Variants in ANXA8 observed in about 807,000 individuals in gnomAD.
ANXA8 encodes the protein VAC-beta.
Under a neutral mutation model 26.8 loss-of-function variants are expected in ANXA8, and 9 were observed. That is an observed-to-expected ratio of 0.34 (90% CI 0.20 to 0.59). The LOEUF is 0.59. Among genes scored for constraint, ANXA8 ranks in the 20% least tolerant of loss-of-function variants. The probability of loss-of-function intolerance (pLI) is 0.84; values close to 1 mark genes in which losing one functional copy is unlikely to be tolerated. For missense variants in ANXA8, 83 were observed against 238.5 expected (o/e 0.35, Z 4.29); for synonymous variants, 39 against 94.8 (o/e 0.41, Z 3.42).
chr10:47,950,365 C>T, the ANXA8 span, among the ~76,000 whole-genome samples: 1 of 152,222 alleles, frequency 6.6e-6, no homozygotes, highest in African/African-American at 2.4e-5. Flanking sequence ...AGGGGAAGGA[C>T]ACTTGAACAA....
rs1839954101 is a variant in ANXA8, at chr10:47,483,956, T to G, written c.-23A>C. 3.1e-6 allele frequency: 5 copies of G among 1,611,566 alleles called. No individual in the cohort carries two copies. The East Asian group carries it at 8.9e-5, about 29-fold the overall frequency. On this transcript the variant is annotated 5_prime_UTR_variant, in exon 1 of 12. Coordinates refer to ENST00000585281, the MANE Select transcript of ANXA8 (RefSeq NM_001040084.3). ...CATCTCTTTCACCTCGGGGGCACCT[T>G]TCCCAGGGAGATGAAGAGACACAGG...
the ANXA8 span, among the ~76,000 whole-genome samples, chr10:47,943,376 C>T: frequency 6.8e-6 from 1 of 146,568 alleles, no homozygotes; most frequent in African/African-American, 2.6e-5. Context: ...TCAAAGTGCC[C>T]CCTGCCTCCA....
the ANXA8 span, among the ~76,000 whole-genome samples, chr10:47,680,528 G>A: frequency 4.6e-5 from 7 of 151,786 alleles, no homozygotes; most frequent in Middle Eastern, 3.4e-3. Flanking sequence ...CCAGCTACTC[G>A]GGAGACTGAG....
At chr10:47,772,360 G>A in the ANXA8 span, among the ~76,000 whole-genome samples, 2 of 152,246 alleles carry the variant, frequency 1.3e-5, no homozygotes, top group Admixed American at 1.3e-4. Flanking sequence ...GAATCTGATA[G>A]GGAAAGTGTT....
At chr10:47,571,028 T>G in the ANXA8 span, among the ~76,000 whole-genome samples, 2 of 149,976 alleles carry the variant, frequency 1.3e-5, no homozygotes, top group Non-Finnish European at 2.9e-5. Flanking sequence ...CACACTTTTA[T>G]AGGAGTACCT....
chr10:47,687,215 T>C, the ANXA8 span, among the ~76,000 whole-genome samples: 2 of 151,772 alleles, frequency 1.3e-5, no homozygotes, highest in African/African-American at 4.8e-5. Flanking sequence ...TTCATTATCA[T>C]GGTAATGTTA....
the ANXA8 span, among the ~76,000 whole-genome samples, chr10:47,510,423 C>T: frequency 1.4e-5 from 2 of 141,132 alleles, no homozygotes; most frequent in Non-Finnish European, 3.1e-5. Flanking sequence ...CCATTGGAGG[C>T]TCTCAACTTC....
the ANXA8 span, among the ~76,000 whole-genome samples, chr10:47,498,210 C>A: frequency 6.7e-6 from 1 of 150,202 alleles, no homozygotes; most frequent in Non-Finnish European, 1.5e-5. Flanking sequence ...TATTAGTTTG[C>A]TTACTCAGTC....
the ANXA8 span, among the ~76,000 whole-genome samples, chr10:47,563,929 T>A: frequency 1.3e-5 from 2 of 150,926 alleles, no homozygotes; most frequent in Non-Finnish European, 2.9e-5. Flanking sequence ...TTTCAATTCC[T>A]CAACATATTC....
At chr10:47,973,154 A>G in the ANXA8 span, 1 of 150,246 alleles carries the variant, frequency 6.7e-6, no homozygotes, top group African/African-American at 2.4e-5. Context: ...GGGACCAGAA[A>G]GGATGCTGCA....
the ANXA8 span, among the ~76,000 whole-genome samples, chr10:47,666,958 C>G: frequency 1.3e-5 from 2 of 152,036 alleles, no homozygotes; most frequent in African/African-American, 4.8e-5. Flanking sequence ...GTGACTAACT[C>G]AACCTAAACA....
chr10:47,603,661 A>C, the ANXA8 span, among the ~76,000 whole-genome samples: 13 of 149,006 alleles, frequency 8.7e-5, no homozygotes, highest in Non-Finnish European at 1.3e-4. Context: ...ACAGGCAGGC[A>C]CCACCACGCC....
the ANXA8 span, among the ~76,000 whole-genome samples, chr10:47,958,253 C>A: frequency 1.3e-5 from 2 of 149,604 alleles, no homozygotes; most frequent in Non-Finnish European, 2.9e-5. Flanking sequence ...CCGAGGCCGG[C>A]AGAGCACTTG....
the ANXA8 span, among the ~76,000 whole-genome samples, chr10:47,510,839 A>G: frequency 8.0e-6 from 1 of 124,796 alleles, no homozygotes; most frequent in Non-Finnish European, 1.6e-5. Flanking sequence ...CAAAAAAAAA[A>G]AAAAAAAAAG....
At chr10:47,595,398 A>G in the ANXA8 span, among the ~76,000 whole-genome samples, 191 of 147,578 alleles carry the variant, frequency 1.3e-3, 4 homozygotes, top group East Asian at 0.032. Context: ...CAGGAACACA[A>G]TCTCACATAT....
the ANXA8 span, among the ~76,000 whole-genome samples, chr10:47,665,760 A>G: frequency 2.0e-5 from 3 of 151,344 alleles, no homozygotes; most frequent in Non-Finnish European, 2.9e-5. Flanking sequence ...AAATTGTTCT[A>G]CTCTATGGAT....
the ANXA8 span, among the ~76,000 whole-genome samples, chr10:47,947,991 TG>T: frequency 2.7e-5 from 4 of 150,934 alleles, no homozygotes; most frequent in Non-Finnish European, 5.9e-5. Flanking sequence ...GGAGCGTCCT[TG>T]TAGAAAATCT....
At chr10:47,950,598 T>A in the ANXA8 span, among the ~76,000 whole-genome samples, 2 of 150,074 alleles carry the variant, frequency 1.3e-5, no homozygotes, top group Non-Finnish European at 2.9e-5. Context: ...AACAACTTTA[T>A]ACATTTAAGA....
At chr10:47,510,778 C>T in the ANXA8 span, among the ~76,000 whole-genome samples, 5 of 103,938 alleles carry the variant, frequency 4.8e-5, no homozygotes, top group African/African-American at 1.9e-4. Flanking sequence ...TGCAGTGAGC[C>T]GAGTTCGCGC....
Sources: gnomAD v4.1 joint callset for allele counts (sites outside exome capture counted in the v4.1 genomes callset) on GRCh38, gnomAD v4.1.1 for gene constraint, MANE v1.5 for transcripts, NCBI Gene and HGNC (gene_info 2026-07-23, HGNC 2026-07-21) for gene names.